ESR1: variants seen among roughly 807,000 people sequenced by gnomAD.
The protein encoded by ESR1 is estrogen receptor 1, also known as estrogen receptor.
Under a neutral mutation model 52.7 loss-of-function variants are expected in ESR1, and 12 were observed. The observed-to-expected ratio is 0.23, with a 90% CI of 0.15 to 0.37. ESR1 has a LOEUF of 0.37. Ranked by LOEUF, ESR1 falls within the 10% of genes least tolerant of loss-of-function variation. The pLI is 1.00. For synonymous variants in ESR1, 305 were observed against 316.8 expected (o/e 0.96, Z 0.39); for missense variants, 584 against 779.7 (o/e 0.75, Z 2.99).
At chr6:151,680,829 C>T (rs1295803946) in intron 1 of ESR1, among the ~76,000 whole-genome samples, 1 of 152,150 alleles carries the variant, frequency 6.6e-6, no homozygotes, top group Non-Finnish European at 1.5e-5. Context: ...GGTAGGTGCT[C>T]AGGAGATAAT....
chr6:151,965,245 C>A (rs747493752), intron 4 of ESR1, among the ~76,000 whole-genome samples: 7 of 152,144 alleles, frequency 4.6e-5, no homozygotes, highest in East Asian at 3.9e-4. Context: ...ATATATATAT[C>A]TCTAAGAATT....
intron 4 of ESR1, among the ~76,000 whole-genome samples, chr6:151,988,777 A>T (rs951869112): frequency 6.6e-6 from 1 of 152,132 alleles, no homozygotes; most frequent in Non-Finnish European, 1.5e-5. Flanking sequence ...CATCGGAGTT[A>T]TATTTGTATA....
chr6:152,030,602 T>C (rs1375105990), intron 5 of ESR1, among the ~76,000 whole-genome samples: 1 of 152,156 alleles, frequency 6.6e-6, no homozygotes, highest in Non-Finnish European at 1.5e-5. Context: ...CCTAAATATA[T>C]ATGCACCCAA....
chr6:151,964,708 C>T (rs1234106969), intron 4 of ESR1, among the ~76,000 whole-genome samples: 1 of 150,852 alleles, frequency 6.6e-6, no homozygotes, highest in Non-Finnish European at 1.5e-5. Context: ...GTGGTGCGAT[C>T]TCCACTCACT....
intron 1 of ESR1, among the ~76,000 whole-genome samples, chr6:151,681,222 T>C (rs888847594): frequency 6.6e-6 from 1 of 152,240 alleles, no homozygotes; most frequent in African/African-American, 2.4e-5. Context: ...CTGTGAATGA[T>C]TCTTAATTAT....
At chr6:151,689,925 C>T (rs1389393435), upstream of ESR1, among the ~76,000 whole-genome samples, 1 of 150,028 alleles carries the variant, frequency 6.7e-6, no homozygotes, top group African/African-American at 2.5e-5. Flanking sequence ...GTTAAACAAA[C>T]AATCAATAAC....
chr6:151,958,832 C>G (rs1055262211), intron 4 of ESR1, among the ~76,000 whole-genome samples: 3 of 152,132 alleles, frequency 2.0e-5, no homozygotes, highest in African/African-American at 7.2e-5. Flanking sequence ...ACCTCAGAAC[C>G]CAGCCTCAGT....
chr6:152,077,210 A>ACAGCTTGGC (rs71268494), intron 6 of ESR1, among the ~76,000 whole-genome samples: 1 of 151,960 alleles, frequency 6.6e-6, no homozygotes, highest in African/African-American at 2.4e-5. Context: ...GGGCTGAGGT[A>ACAGCTTGGC]CCACGGTTTC....
At chr6:151,897,701 G>C (rs560817870) in intron 3 of ESR1, among the ~76,000 whole-genome samples, 1 of 152,180 alleles carries the variant, frequency 6.6e-6, no homozygotes, top group Non-Finnish European at 1.5e-5. Flanking sequence ...ATTGAGATGT[G>C]AGGTACTATT....
At position 151,895,131 on chromosome 6, in the gene ESR1, TG is replaced by T. The variant is rs1314623998; in HGVS notation, c.760+14362del. On this transcript the variant is annotated intron_variant, in intron 3 of 7. Coordinates refer to ENST00000206249, the MANE Select transcript of ESR1 (RefSeq NM_000125.4). ...CTTCTTGGTTAGTTTTTGTTTTTTT[TG>T]GTTTTTTTTTTTTTTTGCAACTATT... 3.7e-3 allele frequency among the ~76,000 whole-genome samples: 357 copies of T among 96,510 alleles called. 1 individual carries two copies. Among genetic ancestry groups the T allele is most frequent in the Non-Finnish European group, 4.5e-3 (224 of 50,180 alleles). The allele number at this position is 96,510 out of a possible 152,430, so 63.3% of individuals were successfully genotyped here.
intron 3 of ESR1, among the ~76,000 whole-genome samples, chr6:151,926,027 T>G (rs936860224): frequency 6.6e-6 from 1 of 152,224 alleles, no homozygotes; most frequent in Non-Finnish European, 1.5e-5. Flanking sequence ...AATGTCCAGT[T>G]GCTTCAGCAA....
chr6:151,951,299 C>T (rs1396034808), intron 4 of ESR1, among the ~76,000 whole-genome samples: 2 of 152,086 alleles, frequency 1.3e-5, no homozygotes, highest in Non-Finnish European at 2.9e-5. Context: ...GAACAGCCTC[C>T]TACAGAAGTA....
At chr6:151,673,350 C>T (rs375076843) in intron 1 of ESR1, among the ~76,000 whole-genome samples, 14 of 152,254 alleles carry the variant, frequency 9.2e-5, no homozygotes, top group Admixed American at 4.6e-4. Context: ...CACGTTTGGA[C>T]GCTTCACTTT....
intron 6 of ESR1, among the ~76,000 whole-genome samples, chr6:152,112,004 C>G (rs1471140103): frequency 6.6e-6 from 1 of 152,204 alleles, no homozygotes; most frequent in African/African-American, 2.4e-5. Flanking sequence ...AATCCATTCT[C>G]AAATGCTAAA....
At chr6:151,919,347 T>C (rs891146639) in intron 3 of ESR1, among the ~76,000 whole-genome samples, 48 of 152,202 alleles carry the variant, frequency 3.2e-4, no homozygotes, top group Admixed American at 9.8e-4. Flanking sequence ...ACACTTCTGG[T>C]TTTTCCTTTT....
At chr6:152,059,573 A>G (rs1238863522) in intron 5 of ESR1, among the ~76,000 whole-genome samples, 1 of 152,172 alleles carries the variant, frequency 6.6e-6, no homozygotes, top group Non-Finnish European at 1.5e-5. Context: ...CGTGCAAAGG[A>G]CAAGAGCAGG....
In ESR1 at chr6:151,667,643, T is replaced by C. The variant is rs117357895; in HGVS notation, n.73+10880T>C. Among the ~76,000 whole-genome samples the C allele has an allele frequency of 1.7e-3, 253 of 152,338 alleles. 1 individual carries two copies. Among genetic ancestry groups the C allele is most frequent in the Non-Finnish European group, 3.0e-3 (207 of 68,030 alleles). The stretch of plus-strand genomic sequence containing the variant: ...ACTGTGACTGCCTGGAGACTGTTTA[T>C]ACAGGATCTTGAACTGGGCTAGGAG... On this transcript the variant is annotated intron_variant and non_coding_transcript_variant, in intron 1 of 2. Transcript: ENST00000473497.
intron 2 of ESR1, among the ~76,000 whole-genome samples, chr6:151,797,529 A>G (rs1201741181): frequency 1.3e-5 from 2 of 152,116 alleles, no homozygotes; most frequent in Non-Finnish European, 2.9e-5. Context: ...TATTTGGAAT[A>G]CTCTCTCCTC....
intron 3 of ESR1, among the ~76,000 whole-genome samples, chr6:151,899,273 C>T (rs1371596043): frequency 1.2e-4 from 17 of 140,630 alleles, no homozygotes; most frequent in Admixed American, 4.8e-4. Context: ...ACCTCCCTCC[C>T]GGACGGGGCG....
Sources: gnomAD v4.1 joint callset for allele counts (sites outside exome capture counted in the v4.1 genomes callset) on GRCh38, gnomAD v4.1.1 for gene constraint, MANE v1.5 for transcripts, NCBI Gene and HGNC (gene_info 2026-07-23, HGNC 2026-07-21) for gene names.